The following ASTN2 variants were observed in gnomAD, a reference collection of about 807,000 sequenced individuals.
The protein encoded by ASTN2 is astrotactin-2.
In ASTN2, 54 loss-of-function variants were observed where a neutral mutation model predicts 139.8. The ratio of observed to expected loss-of-function variants is 0.39; its 90% confidence interval spans 0.31 to 0.48. The LOEUF is 0.48. Ranked by LOEUF, ASTN2 falls within the 20% of genes least tolerant of loss-of-function variation. The probability of loss-of-function intolerance (pLI) is 0.95; values close to 1 mark genes in which losing one functional copy is unlikely to be tolerated. For missense variants in ASTN2, 1,565 were observed against 1,725.1 expected (o/e 0.91, Z 1.64); for synonymous variants, 756 against 719.5 (o/e 1.05, Z -0.81).
chr9:116,727,013 AACACACAC>A (rs34050784), intron 15 of ASTN2, among the ~76,000 whole-genome samples: 24,517 of 144,376 alleles, frequency 0.17, 2,299 homozygotes, highest in East Asian at 0.34. Flanking sequence ...CACTACACTC[AACACACAC>A]ACACACACAC....
rs150670523 is a variant in ASTN2 at position 117,087,218 on chromosome 9, T to TTTTGTTTG, written c.1276+8818_1276+8825dup. Among the ~76,000 whole-genome samples, 1,208 of 150,542 alleles carry TTTTGTTTG rather than the reference T, an allele frequency of 8.0e-3. 19 individuals carry two copies. The highest frequency in any genetic ancestry group is 0.028 in the African/African-American group (1,153 of 40,962). On this transcript the variant is annotated intron_variant, in intron 5 of 22. Coordinates refer to ENST00000313400, the MANE Select transcript of ASTN2 (RefSeq NM_001365068.1). ...TTCTTTTCCTTTTTCATTTTTTTCT[T>TTTTGTTTG]TTTGTTTGTTTGTTTGTTTGTTTGT...
chr9:116,690,560 T>C lies in ASTN2; in HGVS notation c.2806+35211A>G, dbSNP rs7852360. Reference sequence around the variant, plus strand: ...TTTGTGACATTCCCTCCATCTTGTCTTTCTGGTAAAACAATCAAATTTAAA... The same window carrying C: ...TTTGTGACATTCCCTCCATCTTGTCCTTCTGGTAAAACAATCAAATTTAAA... On this transcript the variant is annotated intron_variant, in intron 16 of 22. Transcript: ENST00000313400. Among the ~76,000 whole-genome samples, 745 of 152,328 alleles carry C rather than the reference T, an allele frequency of 4.9e-3. 5 individuals are homozygous for C. Among genetic ancestry groups the C allele is most frequent in the African/African-American group, 0.017 (722 of 41,562 alleles).
intron 3 of ASTN2, among the ~76,000 whole-genome samples, chr9:117,146,636 CAAGAAA>C (rs1232758837): frequency 6.6e-6 from 1 of 151,896 alleles, no homozygotes; most frequent in Non-Finnish European, 1.5e-5. Context: ...GAAAAGAAAA[CAAGAAA>C]AAGAAGAAGG....
At chr9:117,196,298 G>C (rs983031212) in intron 3 of ASTN2, among the ~76,000 whole-genome samples, 4 of 152,126 alleles carry the variant, frequency 2.6e-5, no homozygotes, top group African/African-American at 9.7e-5. Flanking sequence ...CAGAAGAGTG[G>C]TAGAAATCAG....
At chr9:117,334,364 A>G (rs1242871197) in intron 1 of ASTN2, among the ~76,000 whole-genome samples, 1 of 152,130 alleles carries the variant, frequency 6.6e-6, no homozygotes, top group Non-Finnish European at 1.5e-5. Flanking sequence ...GCTTACCTTC[A>G]CTGACCCCTG....
intron 2 of ASTN2, among the ~76,000 whole-genome samples, chr9:117,256,203 C>T (rs1833681779): frequency 6.6e-6 from 1 of 152,102 alleles, no homozygotes; most frequent in Non-Finnish European, 1.5e-5. Context: ...CCAGGACTCG[C>T]CTTATACCCT....
intron 3 of ASTN2, among the ~76,000 whole-genome samples, chr9:117,171,874 C>T (rs1475429200): frequency 6.6e-6 from 1 of 151,998 alleles, no homozygotes; most frequent in Non-Finnish European, 1.5e-5. Flanking sequence ...AATACACTAT[C>T]TAAACATTAG....
At chr9:116,632,790 G>A (rs1200904624) in intron 17 of ASTN2, among the ~76,000 whole-genome samples, 1 of 152,154 alleles carries the variant, frequency 6.6e-6, no homozygotes, top group Non-Finnish European at 1.5e-5. Context: ...GAATTCAAAA[G>A]CCCTTACTGC....
intron 22 of ASTN2, among the ~76,000 whole-genome samples, chr9:116,429,011 G>A (rs891736996): frequency 2.0e-5 from 3 of 152,050 alleles, no homozygotes; most frequent in Non-Finnish European, 4.4e-5. Context: ...GTTGTTTGAG[G>A]AGAACTGAGC....
chr9:117,208,446 C>T (rs922507265), intron 3 of ASTN2, among the ~76,000 whole-genome samples: 3 of 150,974 alleles, frequency 2.0e-5, no homozygotes, highest in Non-Finnish European at 4.4e-5. Flanking sequence ...TTTGAAATAA[C>T]ACAAGGAGTC....
At chr9:117,276,280 C>T (rs1191505424) in intron 2 of ASTN2, among the ~76,000 whole-genome samples, 1 of 152,128 alleles carries the variant, frequency 6.6e-6, no homozygotes. Context: ...AGTAGCTAGC[C>T]CAAGATCACA....
At chr9:116,634,432 T>C (rs2131872945) in intron 17 of ASTN2, among the ~76,000 whole-genome samples, 1 of 151,158 alleles carries the variant, frequency 6.6e-6, no homozygotes, top group South Asian at 2.1e-4. Flanking sequence ...CTACTAAAAA[T>C]ACAAAAAATT....
intron 2 of ASTN2, among the ~76,000 whole-genome samples, chr9:117,273,163 A>AT (rs1184877687): frequency 2.6e-5 from 4 of 152,214 alleles, no homozygotes; most frequent in Non-Finnish European, 5.9e-5. Context: ...TGGCAAGAGA[A>AT]AATGAGGAAG....
intron 1 of ASTN2, among the ~76,000 whole-genome samples, chr9:117,405,345 TC>T (rs919493839): frequency 1.5e-4 from 23 of 152,292 alleles, no homozygotes; most frequent in African/African-American, 5.5e-4. Context: ...GTAGGTTCCT[TC>T]ACTCCTCTGA....
chr9:117,153,340 A>C (rs1020549967), intron 3 of ASTN2, among the ~76,000 whole-genome samples: 11 of 152,128 alleles, frequency 7.2e-5, no homozygotes, highest in African/African-American at 2.7e-4. Flanking sequence ...TCTGTAAATG[A>C]TGAGCAATGC....
At chr9:116,982,961 T>C (rs1236035716) in intron 7 of ASTN2, among the ~76,000 whole-genome samples, 2 of 152,122 alleles carry the variant, frequency 1.3e-5, no homozygotes, top group African/African-American at 4.8e-5. Context: ...ACAGAGGAGC[T>C]CATGGCTTGC....
chr9:116,681,557 G>T lies in ASTN2; in HGVS notation c.2807-29764C>A, dbSNP rs576149004. On this transcript the variant is annotated intron_variant, in intron 16 of 22. Coordinates refer to ENST00000313400, the MANE Select transcript of ASTN2 (RefSeq NM_001365068.1). ...TTCATATGGAACCAAAAAAGAGCCT[G>T]CATTGCCAAGTCAATCCTAAGCCAA... Among the ~76,000 whole-genome samples, 26 of 152,254 alleles carry T rather than the reference G, an allele frequency of 1.7e-4. No individual in the cohort carries two copies. In the South Asian group the frequency reaches 5.4e-3, roughly 32 times the overall value.
chr9:116,572,002 G>T (rs1218471502), intron 19 of ASTN2, among the ~76,000 whole-genome samples: 1 of 152,114 alleles, frequency 6.6e-6, no homozygotes, highest in African/African-American at 2.4e-5. Flanking sequence ...GCATTCATTT[G>T]TGAGTCTGCA....
chr9:117,066,931 G>A (rs1205939844), intron 5 of ASTN2, among the ~76,000 whole-genome samples: 3 of 115,722 alleles, frequency 2.6e-5, no homozygotes, highest in Non-Finnish European at 3.6e-5. Context: ...AGTAGGTTGC[G>A]AAAATTTTCT....
Sources: allele counts gnomAD v4.1 joint callset (sites outside exome capture counted in the v4.1 genomes callset), GRCh38; gene constraint gnomAD v4.1.1; transcripts MANE v1.5; gene names NCBI Gene and HGNC (gene_info 2026-07-23, HGNC 2026-07-21).